The following PLEKHA6 variants were observed in gnomAD, a reference collection of about 807,000 sequenced individuals.
The protein encoded by PLEKHA6 is pleckstrin homology domain containing A6, also known as pleckstrin homology domain-containing family A member 6.
In PLEKHA6, 60 loss-of-function variants were observed where a neutral mutation model predicts 116.7. That is an observed-to-expected ratio of 0.51 (90% CI 0.42 to 0.64). The LOEUF (loss-of-function observed/expected upper bound fraction) is 0.64, where lower values mean the gene tolerates loss of function less well. Among genes scored for constraint, PLEKHA6 ranks in the 30% least tolerant of loss-of-function variants. The pLI, the probability that PLEKHA6 is intolerant of heterozygous loss-of-function variation, is 0.00. For missense variants in PLEKHA6, 1,338 were observed against 1,422.7 expected, an observed-to-expected ratio of 0.94 and a Z score of 0.96; for synonymous variants, 489 against 556.1, an observed-to-expected ratio of 0.88 and a Z score of 1.70.
Position 204,223,603 on chromosome 1 carries a change from C to T in PLEKHA6, c.3032-18G>A. 6.4e-6 allele frequency: 1 copy of T among 156,832 alleles called. No homozygotes were observed. The highest frequency in any genetic ancestry group is 1.1e-5 in the Non-Finnish European group (1 of 91,652). The allele number at this position is 156,832 out of a possible 1,614,324, so 9.7% of individuals were successfully genotyped here. On this transcript the variant is annotated intron_variant, in intron 21 of 22. Coordinates refer to ENST00000272203, the MANE Select transcript of PLEKHA6 (RefSeq NM_014935.5). This position sits in a 1 kb window ranked among gnomAD's most constrained non-coding sequence, Gnocchi z 4.8. ...ACATTGCACTGGAAACAGAAATGAA[C>T]AGGGAGGTGAATGGGGGTGGGTGGG...
intron 1 of PLEKHA6, among the ~76,000 whole-genome samples, chr1:204,348,024 T>C (rs553704659): frequency 1.3e-5 from 2 of 152,128 alleles, no homozygotes; most frequent in African/African-American, 4.8e-5. Flanking sequence ...GAAACGTACA[T>C]CCAACTTGAA....
At chr1:204,306,016 T>G (rs539025297) in intron 1 of PLEKHA6, among the ~76,000 whole-genome samples, 22 of 152,214 alleles carry the variant, frequency 1.4e-4, no homozygotes, top group Non-Finnish European at 2.8e-4. Flanking sequence ...TGAGATCACT[T>G]GCCTGGCTGC....
At chr1:204,251,884 T>A (rs965065107) in intron 9 of PLEKHA6, among the ~76,000 whole-genome samples, 2 of 152,138 alleles carry the variant, frequency 1.3e-5, no homozygotes, top group Non-Finnish European at 2.9e-5. Flanking sequence ...TTCCCCAGGG[T>A]GCCTGGCTGT....
intron 1 of PLEKHA6, among the ~76,000 whole-genome samples, chr1:204,337,334 C>T (rs10900580): frequency 0.53 from 81,288 of 151,984 alleles, 24,792 homozygotes; most frequent in East Asian, 0.82. Flanking sequence ...AAGCAAAAGA[C>T]ATAAATTGTA....
chr1:204,268,130 G>A lies in PLEKHA6; in HGVS notation c.207+78C>T, dbSNP rs1004034628. ...GACATACCAAAAAAATACACAGCCT[G>A]TCATAAGCACAGAGGAATCCTTATT... On this transcript the variant is annotated intron_variant, in intron 4 of 22. Coordinates refer to ENST00000272203, the MANE Select transcript of PLEKHA6 (RefSeq NM_014935.5). 4.5e-6 allele frequency: 4 copies of A among 888,774 alleles called. No homozygotes were observed. In the African/African-American group the frequency reaches 6.7e-5, roughly 15 times the overall value. The allele number at this position is 888,774 out of a possible 1,614,324, so 55.1% of individuals were successfully genotyped here.
chr1:204,325,891 A>G (rs532386362), intron 1 of PLEKHA6: 1 of 984,896 alleles, frequency 1.0e-6, no homozygotes, highest in Non-Finnish European at 1.2e-6. Context: ...AGTAGCTGCC[A>G]TTTCCAGGCT....
chr1:204,343,235 A>C (rs6656057), intron 1 of PLEKHA6, among the ~76,000 whole-genome samples: 132,689 of 152,210 alleles, frequency 0.87, 58,518 homozygotes, highest in East Asian at 0.95. Flanking sequence ...TGGAACAGAC[A>C]ATGTCTAGAG....
intron 2 of PLEKHA6, among the ~76,000 whole-genome samples, chr1:204,274,326 G>A (rs1331564351): frequency 2.6e-5 from 4 of 152,194 alleles, no homozygotes; most frequent in Non-Finnish European, 5.9e-5. Flanking sequence ...TATGAGAGTA[G>A]ATTAATTATC....
chr1:204,337,988 C>T (rs372464638), intron 1 of PLEKHA6, among the ~76,000 whole-genome samples: 9 of 152,368 alleles, frequency 5.9e-5, no homozygotes, highest in South Asian at 4.1e-4. Flanking sequence ...GGATGGCTTA[C>T]AGTCTTATTT....
intron 1 of PLEKHA6, among the ~76,000 whole-genome samples, chr1:204,284,845 G>A (rs1281148066): frequency 6.6e-6 from 1 of 152,130 alleles, no homozygotes; most frequent in Non-Finnish European, 1.5e-5. Context: ...AACATGTAAC[G>A]ATACTGGAGT....
intron 1 of PLEKHA6, chr1:204,307,784 G>A: frequency 1.3e-6 from 1 of 748,730 alleles, no homozygotes; most frequent in Non-Finnish European, 1.6e-6. Context: ...TGAGCCCAGA[G>A]GTGCAGGCAC....
At position 204,365,938 on chromosome 1, in the gene PLEKHA6, G is replaced by T. The variant is rs546923703; in HGVS notation, c.218+1861C>A. Among the ~76,000 whole-genome samples the T allele has an allele frequency of 7.9e-5, 12 of 152,332 alleles. No individual in the cohort carries two copies. The South Asian group carries it at 2.5e-3, about 32-fold the overall frequency. ...TGGCCTCTCTGAGGAGGTGACATGG[G>T]CTAATCGAGAAGTCGGAACCAGGTG... On this transcript the variant is annotated intron_variant, in intron 3 of 4. Coordinates refer to the PLEKHA6 transcript ENST00000564627.
At chr1:204,334,394 G>C (rs557676484) in intron 1 of PLEKHA6, among the ~76,000 whole-genome samples, 2 of 152,282 alleles carry the variant, frequency 1.3e-5, no homozygotes, top group Admixed American at 1.3e-4. Flanking sequence ...ATACATTTGT[G>C]CTCCTCATAA....
chr1:204,335,601 GC>G (rs1324830679), intron 1 of PLEKHA6, among the ~76,000 whole-genome samples: 7 of 152,054 alleles, frequency 4.6e-5, no homozygotes, highest in Admixed American at 4.6e-4. Flanking sequence ...ACACCATGCA[GC>G]CCCCAGCTCC....
At chr1:204,337,191 T>C (rs924430674) in intron 1 of PLEKHA6, among the ~76,000 whole-genome samples, 3 of 152,014 alleles carry the variant, frequency 2.0e-5, no homozygotes, top group Non-Finnish European at 4.4e-5. Flanking sequence ...TGAAACTGAG[T>C]TGGGGAATGA....
At chr1:204,225,542 AAT>A (rs1201930022) in intron 21 of PLEKHA6, among the ~76,000 whole-genome samples, 1 of 152,214 alleles carries the variant, frequency 6.6e-6, no homozygotes, top group Admixed American at 6.5e-5. Flanking sequence ...ACAGTATTGC[AAT>A]ATATACACTG....
chr1:204,367,003 A>G (rs1473387415), intron 3 of PLEKHA6, among the ~76,000 whole-genome samples: 1 of 152,162 alleles, frequency 6.6e-6, no homozygotes, highest in Non-Finnish European at 1.5e-5. Context: ...GAGGCGCTTC[A>G]CCATCCCTGC....
At chr1:204,361,979 TGGCA>T (rs975356639), upstream of PLEKHA6, among the ~76,000 whole-genome samples, 11 of 152,192 alleles carry the variant, frequency 7.2e-5, no homozygotes, top group Non-Finnish European at 1.5e-5. Context: ...GTTTCCTCTC[TGGCA>T]GGCAGAGGGC....
chr1:204,290,231 G>T (rs1669605466), intron 1 of PLEKHA6, among the ~76,000 whole-genome samples: 2 of 152,284 alleles, frequency 1.3e-5, no homozygotes, highest in South Asian at 4.2e-4. Flanking sequence ...ATACTCAAAA[G>T]CTTTGAAGAA....
Sources: allele counts gnomAD v4.1 joint callset (sites outside exome capture counted in the v4.1 genomes callset), GRCh38; gene constraint gnomAD v4.1.1; non-coding constraint Gnocchi (gnomAD v3.1); transcripts MANE v1.5; gene names NCBI Gene and HGNC (gene_info 2026-07-23, HGNC 2026-07-21).